IMMP2L: variants seen among roughly 807,000 people sequenced by gnomAD.
IMMP2L encodes the protein mitochondrial inner membrane protease subunit 2.
In IMMP2L, 18 loss-of-function variants were observed where a neutral mutation model predicts 19.3. The observed-to-expected ratio is 0.93, with a 90% CI of 0.64 to 1.38. The LOEUF is 1.38. Among genes scored for constraint, IMMP2L ranks in the 40% most tolerant of loss-of-function variants. The probability of loss-of-function intolerance (pLI) is 0.00; values close to 1 mark genes in which losing one functional copy is unlikely to be tolerated. For missense variants in IMMP2L, 233 were observed against 218.2 expected (o/e 1.07, Z -0.43); for synonymous variants, 76 against 73.0 (o/e 1.04, Z -0.21).
At chr7:110,683,771 G>T (rs1739157243) in intron 5 of IMMP2L, among the ~76,000 whole-genome samples, 1 of 152,058 alleles carries the variant, frequency 6.6e-6, no homozygotes, top group Admixed American at 6.6e-5. Context: ...TGTTACATTA[G>T]GAAAAGTTAA....
chr7:110,722,109 G>A (rs2130772603), intron 5 of IMMP2L, among the ~76,000 whole-genome samples: 1 of 152,034 alleles, frequency 6.6e-6, no homozygotes, highest in South Asian at 2.1e-4. Context: ...TTTCCAGGAT[G>A]AACTATAGGA....
intron 3 of IMMP2L, among the ~76,000 whole-genome samples, chr7:111,370,553 G>A (rs921901692): frequency 1.3e-5 from 2 of 151,896 alleles, no homozygotes; most frequent in East Asian, 1.9e-4. Context: ...TGACATAGAC[G>A]TTAAAAATAG....
chr7:111,147,240 T>C (rs1803577651), intron 3 of IMMP2L, among the ~76,000 whole-genome samples: 1 of 152,120 alleles, frequency 6.6e-6, no homozygotes, highest in Admixed American at 6.6e-5. Context: ...GTTGTTGTTG[T>C]TGTTTTAAAT....
chr7:110,787,282 T>C (rs536923422), intron 5 of IMMP2L, among the ~76,000 whole-genome samples: 45 of 152,068 alleles, frequency 3.0e-4, no homozygotes, highest in African/African-American at 9.9e-4. Context: ...GTAAGATGAG[T>C]TAGTGTATGG....
chr7:111,353,124 G>A (rs1036396496), intron 3 of IMMP2L, among the ~76,000 whole-genome samples: 1 of 152,216 alleles, frequency 6.6e-6, no homozygotes, highest in African/African-American at 2.4e-5. Flanking sequence ...GAAGCAGGCT[G>A]TGCAGCCATT....
intron 3 of IMMP2L, among the ~76,000 whole-genome samples, chr7:111,393,164 C>A (rs1372318450): frequency 6.6e-6 from 1 of 151,992 alleles, no homozygotes. Flanking sequence ...TTTAAGGGCC[C>A]ACCAAGAATA....
intron 3 of IMMP2L, among the ~76,000 whole-genome samples, chr7:111,419,746 T>C (rs1177518001): frequency 6.6e-6 from 1 of 151,268 alleles, no homozygotes; most frequent in African/African-American, 2.4e-5. Context: ...CCGGAGACCT[T>C]GTCACAGGCA....
At chr7:110,843,299 A>G (rs1563017581) in intron 5 of IMMP2L, among the ~76,000 whole-genome samples, 2 of 152,212 alleles carry the variant, frequency 1.3e-5, no homozygotes, top group Non-Finnish European at 2.9e-5. Flanking sequence ...AAAAAAGATG[A>G]AGAAACAAAC....
At chr7:111,322,895 C>G (rs1824888009) in intron 3 of IMMP2L, among the ~76,000 whole-genome samples, 1 of 151,472 alleles carries the variant, frequency 6.6e-6, no homozygotes, top group South Asian at 2.1e-4. Context: ...CCTACGTCTC[C>G]CAGCTTTGTT....
At chr7:110,988,235 T>C (rs1341331625) in intron 3 of IMMP2L, among the ~76,000 whole-genome samples, 1 of 152,176 alleles carries the variant, frequency 6.6e-6, no homozygotes, top group Admixed American at 6.5e-5. Flanking sequence ...GTAGCAGCCA[T>C]AGGGGCAAGG....
intron 1 of IMMP2L, among the ~76,000 whole-genome samples, chr7:111,548,705 T>C (rs1238826816): frequency 4.6e-5 from 7 of 152,162 alleles, no homozygotes; most frequent in African/African-American, 7.2e-5. Context: ...TATTTTAAAC[T>C]ATAGGGACAT....
intron 1 of IMMP2L, among the ~76,000 whole-genome samples, chr7:111,525,990 C>T: frequency 6.6e-6 from 1 of 151,590 alleles, no homozygotes; most frequent in East Asian, 1.9e-4. Flanking sequence ...TCCACCCCCA[C>T]CCCCAAAAAA....
At chr7:111,456,232 G>A (rs1425109056) in intron 3 of IMMP2L, among the ~76,000 whole-genome samples, 1 of 151,908 alleles carries the variant, frequency 6.6e-6, no homozygotes, top group African/African-American at 2.4e-5. Flanking sequence ...CAGTGGTAGG[G>A]GTGGTTTGGT....
chr7:110,838,194 A>G (rs1804697591), intron 5 of IMMP2L, among the ~76,000 whole-genome samples: 1 of 152,150 alleles, frequency 6.6e-6, no homozygotes, highest in Non-Finnish European at 1.5e-5. Context: ...AGAATTTTTT[A>G]GCATGCACAC....
chr7:110,779,790 C>G (rs1339445044), intron 5 of IMMP2L, among the ~76,000 whole-genome samples: 1 of 151,780 alleles, frequency 6.6e-6, no homozygotes, highest in African/African-American at 2.4e-5. Flanking sequence ...CTGGCAGGAT[C>G]TTACTCAGCC....
chr7:110,829,356 A>C (rs1214534967), intron 5 of IMMP2L, among the ~76,000 whole-genome samples: 1 of 152,180 alleles, frequency 6.6e-6, no homozygotes, highest in African/African-American at 2.4e-5. Context: ...ACAGCTTCAA[A>C]GCACTTTACA....
Position 111,206,851 on chromosome 7 carries a change from A to G in IMMP2L, c.240-243286T>C, listed in dbSNP as rs550964718. On this transcript the variant is annotated intron_variant, in intron 3 of 5. Coordinates refer to ENST00000405709, the MANE Select transcript of IMMP2L (RefSeq NM_032549.4). ...AACAGAACAAAACTAATAACAAACA[A>G]TAAGCCTCATCAGGGGAGATGATTT... Among the ~76,000 whole-genome samples the G allele has an allele frequency of 2.6e-5, 4 of 152,266 alleles. No homozygotes were observed. In the East Asian group the frequency reaches 5.8e-4, roughly 22 times the overall value.
chr7:111,487,265 A>C lies in IMMP2L; in HGVS notation c.212T>G (p.Val71Gly), dbSNP rs753392188. Residue 71 changes from valine (V) to glycine (G), a missense_variant, in exon 3 of 6, where the codon GTA becomes GGA. Transcript: ENST00000405709. ...LNHWKVRNFEVHRGDIVSLVS... is the reference protein window; with the variant it reads ...LNHWKVRNFEGHRGDIVSLVS... ...CAATGATACAATGTCACCACGGTGT[A>C]CTTCAAAATTCCTCACTTTCCAGTG... is the stretch of plus-strand genomic sequence containing the variant. The C allele has an allele frequency of 1.3e-6, 2 of 1,591,262 alleles. No individual in the cohort carries two copies. The highest frequency in any genetic ancestry group is 1.7e-6 in the Non-Finnish European group (2 of 1,159,470).
intron 5 of IMMP2L, among the ~76,000 whole-genome samples, chr7:110,850,434 C>T (rs1481149618): frequency 1.3e-5 from 2 of 152,084 alleles, no homozygotes; most frequent in African/African-American, 4.8e-5. Flanking sequence ...TTGCATTGAC[C>T]TGCCCCTTGA....
Sources: gnomAD v4.1 joint callset for allele counts (sites outside exome capture counted in the v4.1 genomes callset) on GRCh38, gnomAD v4.1.1 for gene constraint, MANE v1.5 for transcripts, NCBI Gene and HGNC (gene_info 2026-07-23, HGNC 2026-07-21) for gene names.